GAREM1: variants seen among roughly 807,000 people sequenced by gnomAD.
GAREM1 encodes the protein GRB2 associated regulator of MAPK1 subtype 1, also known as GRB2-associated and regulator of MAPK protein 1.
Under a neutral mutation model 71.3 loss-of-function variants are expected in GAREM1, and 26 were observed. The ratio of observed to expected loss-of-function variants is 0.36; its 90% CI spans 0.27 to 0.51. The LOEUF (loss-of-function observed/expected upper bound fraction) is 0.51. GAREM1 is among the 20% of genes least tolerant of loss of function. The pLI, the probability that GAREM1 is intolerant of heterozygous loss-of-function variation, is 0.95. For synonymous variants in GAREM1, 440 were observed against 433.2 expected (o/e 1.02, Z -0.20); for missense variants, 1,026 against 1,103.1 (o/e 0.93, Z 0.99).
At chr18:32,311,484 G>A (rs574288247) in intron 2 of GAREM1, among the ~76,000 whole-genome samples, 1 of 152,334 alleles carries the variant, frequency 6.6e-6, no homozygotes, top group South Asian at 2.1e-4. Context: ...TAATACATGA[G>A]TAAGAGTATA....
intron 1 of GAREM1, among the ~76,000 whole-genome samples, chr18:32,410,472 C>G (rs114655971): frequency 0.026 from 3,965 of 152,232 alleles, 98 homozygotes; most frequent in African/African-American, 0.062. Flanking sequence ...CTTAGCCTTC[C>G]AAATTGCTGG....
chr18:32,389,637 T>A (rs2144654520), intron 2 of GAREM1, among the ~76,000 whole-genome samples: 1 of 152,284 alleles, frequency 6.6e-6, no homozygotes, highest in East Asian at 1.9e-4. Flanking sequence ...TCAACCTAGA[T>A]GAAATTCTGA....
intron 2 of GAREM1, among the ~76,000 whole-genome samples, chr18:32,373,644 A>C (rs751348394): frequency 6.6e-6 from 1 of 152,212 alleles, no homozygotes; most frequent in Non-Finnish European, 1.5e-5. Context: ...GACAGCTGAC[A>C]CATGCTCCGC....
chr18:32,333,375 A>T (rs1428674015), intron 2 of GAREM1, among the ~76,000 whole-genome samples: 1 of 152,164 alleles, frequency 6.6e-6, no homozygotes, highest in Non-Finnish European at 1.5e-5. Flanking sequence ...AGGAGTCCCA[A>T]GGAGAGTTCT....
chr18:32,364,962 C>G (rs1023689614), intron 2 of GAREM1, among the ~76,000 whole-genome samples: 2 of 151,888 alleles, frequency 1.3e-5, no homozygotes, highest in Non-Finnish European at 2.9e-5. Context: ...ACTTCTAAAA[C>G]AAAATGAGAA....
intron 1 of GAREM1, among the ~76,000 whole-genome samples, chr18:32,445,825 G>A (rs968478149): frequency 2.0e-5 from 3 of 152,054 alleles, no homozygotes; most frequent in Non-Finnish European, 4.4e-5. Flanking sequence ...CCAGAATCAA[G>A]CCATTTGGTA....
At chr18:32,379,403 G>A (rs1389849587) in intron 2 of GAREM1, among the ~76,000 whole-genome samples, 2 of 145,086 alleles carry the variant, frequency 1.4e-5, no homozygotes, top group African/African-American at 5.1e-5. Context: ...ACTTAAAAAT[G>A]CTGGGAAGGG....
chr18:32,453,461 T>G (rs1424518010), intron 1 of GAREM1, among the ~76,000 whole-genome samples: 4 of 152,168 alleles, frequency 2.6e-5, no homozygotes, highest in African/African-American at 9.7e-5. Context: ...ACAGCCACAC[T>G]TCCTTTGAGG....
At chr18:32,276,288 C>T (rs1250875553) in intron 4 of GAREM1, among the ~76,000 whole-genome samples, 2 of 152,198 alleles carry the variant, frequency 1.3e-5, no homozygotes, top group African/African-American at 4.8e-5. Flanking sequence ...TCACAAGCAT[C>T]GACTTCCACC....
chr18:32,326,236 G>A (rs2047474154), intron 2 of GAREM1, among the ~76,000 whole-genome samples: 1 of 152,190 alleles, frequency 6.6e-6, no homozygotes, highest in African/African-American at 2.4e-5. Context: ...GAAAGATAGA[G>A]ACTGGGAAAT....
rs2049037081 is a variant in GAREM1, at chr18:32,470,180, G to A, written c.121+128C>T. On this transcript the variant is annotated intron_variant, in intron 1 of 5. Coordinates refer to ENST00000269209, the MANE Select transcript of GAREM1 (RefSeq NM_001242409.2). This position sits in a 1 kb window ranked among gnomAD's most constrained non-coding sequence, Gnocchi z 4.4. ...CGCCAGGGCTGCGGCAGCCGCTCGG[G>A]CCAACTCCGGCGCTCAGGGGCGGGC... The A allele has an allele frequency of 1.0e-5, 12 of 1,192,630 alleles. No homozygotes were observed. The highest frequency in any genetic ancestry group is 6.5e-5 in the East Asian group (2 of 30,956). The allele number at this position is 1,192,630 out of a possible 1,614,324, so 73.9% of individuals were successfully genotyped here.
At chr18:32,409,043 G>A (rs571061504) in intron 1 of GAREM1, among the ~76,000 whole-genome samples, 5 of 152,194 alleles carry the variant, frequency 3.3e-5, no homozygotes, top group South Asian at 2.1e-4. Flanking sequence ...CGTACACCAC[G>A]AAACAAGCAG....
At chr18:32,445,676 T>C (rs2048779666) in intron 1 of GAREM1, among the ~76,000 whole-genome samples, 1 of 152,182 alleles carries the variant, frequency 6.6e-6, no homozygotes, top group African/African-American at 2.4e-5. Context: ...CAAAGTTCTA[T>C]GTGTAAATAT....
intron 2 of GAREM1, among the ~76,000 whole-genome samples, chr18:32,329,197 C>T (rs1163048472): frequency 6.6e-6 from 1 of 151,872 alleles, no homozygotes; most frequent in African/African-American, 2.4e-5. Flanking sequence ...ACAGTGAGAC[C>T]CCACCTCAAC....
At chr18:32,326,133 A>G (rs1047200596) in intron 2 of GAREM1, among the ~76,000 whole-genome samples, 2 of 152,240 alleles carry the variant, frequency 1.3e-5, no homozygotes, top group Non-Finnish European at 2.9e-5. Context: ...TGGCACAATC[A>G]GTAGTTTGGT....
chr18:32,353,184 A>G (rs1293131233), intron 2 of GAREM1, among the ~76,000 whole-genome samples: 1 of 152,226 alleles, frequency 6.6e-6, no homozygotes, highest in Non-Finnish European at 1.5e-5. Flanking sequence ...GTCCACACAT[A>G]AAGAAATGTA....
At position 32,287,380 on chromosome 18, in the gene GAREM1, C is replaced by A. The variant is rs2047033178; in HGVS notation, c.1217G>T (p.Cys406Phe). 3 of 1,614,246 alleles carry A rather than the reference C, an allele frequency of 1.9e-6. No individual in the cohort carries two copies. Among genetic ancestry groups the A allele is most frequent in the Non-Finnish European group, 2.5e-6 (3 of 1,180,046 alleles). The stretch of plus-strand genomic sequence containing the variant: ...AGCCCAATCTCCCCCCAGGTCCCTG[C>A]AACCATGAAGGTTCACCTCACTGTT... ...HGNSEVNLHGCRDLGGDWAPF... is the reference protein window; with the variant it reads ...HGNSEVNLHGFRDLGGDWAPF... The change falls in exon 4 of 6, where the codon TGC (cysteine) becomes TTC (phenylalanine). Residue 406 changes from cysteine to phenylalanine, a missense_variant. Cys to Phe is a radical substitution (Grantham distance 205). Around this residue, in one of 3 missense-constraint regions of GAREM1, gnomAD observed 636 missense variants for 631.2 expected, o/e 1.01. Transcript: ENST00000269209. The surrounding 1 kb of genome is among the most constrained non-coding windows in gnomAD (Gnocchi z 5.9).
chr18:32,468,080 T>A (rs533566746), intron 1 of GAREM1, among the ~76,000 whole-genome samples: 1 of 152,216 alleles, frequency 6.6e-6, no homozygotes, highest in Non-Finnish European at 1.5e-5. Context: ...AATGCTCACG[T>A]TGGTGTAAAC....
At position 32,464,566 on chromosome 18, in the gene GAREM1, A is replaced by G. The variant is rs188400609; in HGVS notation, c.121+5742T>C. On this transcript the variant is annotated intron_variant, in intron 1 of 5. Transcript: ENST00000269209. ...CAATCTTGGTTAGATTAGTCAGTTTATAACACTTTCTGTCTGATAAAGACC... is the reference window on the plus strand; with the variant it reads ...CAATCTTGGTTAGATTAGTCAGTTTGTAACACTTTCTGTCTGATAAAGACC... Among the ~76,000 whole-genome samples, 903 of 152,324 alleles carry G rather than the reference A, an allele frequency of 5.9e-3. 1 individual carries two copies. Among genetic ancestry groups the G allele is most frequent in the Non-Finnish European group, 9.2e-3 (625 of 68,022 alleles).
Sources: allele counts gnomAD v4.1 joint callset (sites outside exome capture counted in the v4.1 genomes callset), GRCh38; gene constraint gnomAD v4.1.1; regional missense constraint gnomAD v4.1.1; non-coding constraint Gnocchi (gnomAD v3.1); transcripts MANE v1.5; gene names NCBI Gene and HGNC (gene_info 2026-07-23, HGNC 2026-07-21).